RAB10: variants seen among roughly 807,000 people sequenced by gnomAD.
RAB10 encodes the protein RAB10, member RAS oncogene family, also known as ras-related protein Rab-10.
A neutral mutation model predicts 25.7 loss-of-function variants in RAB10; 5 were observed. That is an observed-to-expected ratio of 0.19 (90% confidence interval 0.10 to 0.41). RAB10 has a LOEUF of 0.41. Among genes scored for constraint, RAB10 ranks in the 10% least tolerant of loss-of-function variants. The pLI, the probability that RAB10 is intolerant of heterozygous loss-of-function variation, is 1.00. For synonymous variants in RAB10, 89 were observed against 86.4 expected (o/e 1.03, Z -0.16); for missense variants, 103 against 245.8 (o/e 0.42, Z 3.89).
chr2:26,100,612 A>G (rs916627305), intron 2 of RAB10, among the ~76,000 whole-genome samples: 14 of 152,150 alleles, frequency 9.2e-5, no homozygotes, highest in African/African-American at 3.4e-4. Flanking sequence ...CACTGACAAA[A>G]CCAGTACAGG....
intron 3 of RAB10, among the ~76,000 whole-genome samples, chr2:26,124,417 T>TTTTTTTTTTTTTTG (rs1667867053): frequency 1.7e-5 from 2 of 119,590 alleles, no homozygotes; most frequent in East Asian, 5.0e-4. Context: ...TTTTTTTTTT[T>TTTTTTTTTTTTTTG]GAGACAGGTT....
chr2:26,108,531 T>C (rs1006086720), intron 2 of RAB10, among the ~76,000 whole-genome samples: 1 of 152,200 alleles, frequency 6.6e-6, no homozygotes, highest in Non-Finnish European at 1.5e-5. Flanking sequence ...GTAATAGTTC[T>C]TTGTCTTGTG....
chr2:26,104,938 T>C (rs921379344), intron 2 of RAB10, among the ~76,000 whole-genome samples: 4 of 152,042 alleles, frequency 2.6e-5, no homozygotes, highest in South Asian at 4.2e-4. Context: ...GGGTTTTCAC[T>C]GTGTTAGCCA....
intron 1 of RAB10, among the ~76,000 whole-genome samples, chr2:26,091,249 T>C (rs1667100407): frequency 6.6e-6 from 1 of 152,090 alleles, no homozygotes; most frequent in African/African-American, 2.4e-5. Flanking sequence ...AGATGAATAA[T>C]AACAGAAATA....
At chr2:26,112,354 C>A (rs192822030) in intron 3 of RAB10, among the ~76,000 whole-genome samples, 1 of 152,172 alleles carries the variant, frequency 6.6e-6, no homozygotes, top group East Asian at 1.9e-4. Flanking sequence ...GGAGACCAGC[C>A]CCCATTCTGA....
chr2:26,119,964 G>A (rs1667768539), intron 3 of RAB10, among the ~76,000 whole-genome samples: 1 of 152,082 alleles, frequency 6.6e-6, no homozygotes, highest in Non-Finnish European at 1.5e-5. Context: ...GTAAATTGGT[G>A]GTCTGATTGC....
intron 3 of RAB10, among the ~76,000 whole-genome samples, chr2:26,126,536 G>A (rs1667907036): frequency 6.6e-6 from 1 of 152,088 alleles, no homozygotes; most frequent in Admixed American, 6.6e-5. Context: ...AAAGTTGCAG[G>A]AAGCCCAGAT....
chr2:26,081,793 A>T (rs1011521690), intron 1 of RAB10, among the ~76,000 whole-genome samples: 2 of 152,356 alleles, frequency 1.3e-5, no homozygotes, highest in East Asian at 3.9e-4. Flanking sequence ...TGTAAGCCGC[A>T]AGACAATGGA....
In RAB10 at chr2:26,084,672, T is replaced by G. The variant is rs1449408739; in HGVS notation, c.128-13990T>G. Among the ~76,000 whole-genome samples, 5 of 152,282 alleles carry G rather than the reference T, an allele frequency of 3.3e-5. No homozygotes were observed. In the East Asian group the frequency reaches 9.6e-4, roughly 29 times the overall value. ...ATTGGTACAGTTTGGCCAAGGGAAG[T>G]TTATAAGGTTCTATGTAATTTTTGT... On this transcript the variant is annotated intron_variant, in intron 1 of 5. Coordinates refer to ENST00000264710, the MANE Select transcript of RAB10 (RefSeq NM_016131.5).
chr2:26,135,139 T>A lies in RAB10; in HGVS notation c.*118T>A. On this transcript the variant is annotated 3_prime_UTR_variant, in exon 6 of 6. Coordinates refer to ENST00000264710, the MANE Select transcript of RAB10 (RefSeq NM_016131.5). ...ATATTTTTGTTTCTCATCTTAACTATCCAAGCCACCTATTTTATTTGTTCT... is the reference window on the plus strand; with the variant it reads ...ATATTTTTGTTTCTCATCTTAACTAACCAAGCCACCTATTTTATTTGTTCT... 2 of 669,888 alleles carry A rather than the reference T, an allele frequency of 3.0e-6. No individual in the cohort carries two copies. The highest frequency in any genetic ancestry group is 1.9e-5 in the African/African-American group (1 of 53,408). The allele number at this position is 669,888 out of a possible 1,614,324, so 41.5% of individuals were successfully genotyped here.
chr2:26,071,966 G>A (rs946462356), intron 1 of RAB10, among the ~76,000 whole-genome samples: 13 of 152,144 alleles, frequency 8.5e-5, no homozygotes, highest in Non-Finnish European at 1.5e-4. Flanking sequence ...GGTCCATGGT[G>A]ATAATATTAT....
At chr2:26,108,466 A>G (rs1179099902) in intron 2 of RAB10, among the ~76,000 whole-genome samples, 3 of 152,202 alleles carry the variant, frequency 2.0e-5, no homozygotes, top group Admixed American at 2.0e-4. Context: ...AAATATAAAC[A>G]TAGAAAACAG....
chr2:26,078,711 C>T (rs145307901), intron 1 of RAB10, among the ~76,000 whole-genome samples: 3 of 151,804 alleles, frequency 2.0e-5, no homozygotes, highest in African/African-American at 2.4e-5. Flanking sequence ...AGGGTAGATA[C>T]GAAGAAAATC....
chr2:26,114,133 A>G (rs955122527), intron 3 of RAB10, among the ~76,000 whole-genome samples: 2 of 152,214 alleles, frequency 1.3e-5, no homozygotes, highest in Admixed American at 6.5e-5. Flanking sequence ...GGAAGACAAT[A>G]TTAAGATGGC....
intron 5 of RAB10, among the ~76,000 whole-genome samples, chr2:26,134,334 T>C (rs1668066677): frequency 6.6e-6 from 1 of 151,954 alleles, no homozygotes. Flanking sequence ...CCCAACGTGG[T>C]TTTAGCTCCT....
At chr2:26,039,513 A>AT (rs1024312237) in intron 1 of RAB10, among the ~76,000 whole-genome samples, 2 of 148,666 alleles carry the variant, frequency 1.3e-5, no homozygotes, top group East Asian at 2.0e-4. Flanking sequence ...CGCCCAGCTA[A>AT]TTTTTTTGTA....
At chr2:26,106,400 T>C (rs1421064732) in intron 2 of RAB10, among the ~76,000 whole-genome samples, 2 of 152,102 alleles carry the variant, frequency 1.3e-5, no homozygotes, top group African/African-American at 4.8e-5. Context: ...ACATAGGAGA[T>C]TGCAACAGAA....
In RAB10 at chr2:26,127,179, A is replaced by G. The variant is rs765688248; in HGVS notation, c.363A>G (p.Gly121=). Residue 121 remains glycine (G), a synonymous_variant, in exon 4 of 6, where the codon GGA becomes GGG. Transcript: ENST00000264710. ...ANEDVERMLL[G]NKCDMDDKRV... is the part of the protein sequence containing the mutation. ...AAGATGTGGAAAGAATGTTACTAGGAAACAAGTGTGATATGGACGACAAAA... is the reference window on the plus strand; with the variant it reads ...AAGATGTGGAAAGAATGTTACTAGGGAACAAGTGTGATATGGACGACAAAA... 1.2e-6 allele frequency: 2 copies of G among 1,601,724 alleles called. No homozygotes were observed. The highest frequency in any genetic ancestry group is 1.7e-6 in the Non-Finnish European group (2 of 1,177,248).
chr2:26,108,664 A>G (rs902018355), intron 2 of RAB10, among the ~76,000 whole-genome samples: 5 of 151,996 alleles, frequency 3.3e-5, no homozygotes, highest in South Asian at 2.1e-4. Flanking sequence ...ATTGTATCCA[A>G]TGTCCATTTT....
Sources: gnomAD v4.1 joint callset for allele counts (sites outside exome capture counted in the v4.1 genomes callset) on GRCh38, gnomAD v4.1.1 for gene constraint, MANE v1.5 for transcripts, NCBI Gene and HGNC (gene_info 2026-07-23, HGNC 2026-07-21) for gene names.